COTL1: variants seen among roughly 807,000 people sequenced by gnomAD.
The protein encoded by COTL1 is coactosin like F-actin binding protein 1.
In COTL1, 15 loss-of-function variants were observed where a neutral mutation model predicts 16.5. The observed-to-expected ratio is 0.91, with a 90% CI of 0.61 to 1.40. COTL1 has a LOEUF of 1.40. Ranked by LOEUF, COTL1 falls within the 40% of genes most tolerant of loss-of-function variation. The probability of loss-of-function intolerance (pLI) is 0.00; values close to 1 mark genes in which losing one functional copy is unlikely to be tolerated. For synonymous variants in COTL1, 112 were observed against 85.3 expected, an observed-to-expected ratio of 1.31 and a Z score of -1.73; for missense variants, 220 against 201.5, an observed-to-expected ratio of 1.09 and a Z score of -0.56.
At chr16:84,602,777 T>C (rs149237972) in intron 2 of COTL1, among the ~76,000 whole-genome samples, 9 of 150,068 alleles carry the variant, frequency 6.0e-5, no homozygotes, top group Admixed American at 1.3e-4. Flanking sequence ...ATTGCTTGAG[T>C]CCAGGAGGCA....
chr16:84,595,879 G>GTA (rs140825052), intron 2 of COTL1: 8,992 of 152,026 alleles, frequency 0.059, 414 homozygotes, highest in African/African-American at 0.13. Flanking sequence ...ATGTATTTGT[G>GTA]TATGTGTGTT....
At chr16:84,615,620 C>T (rs57162993) in intron 2 of COTL1, among the ~76,000 whole-genome samples, 14,093 of 152,226 alleles carry the variant, frequency 0.093, 703 homozygotes, top group Middle Eastern at 0.19. Flanking sequence ...AGCAGAAATA[C>T]TGCTGACTCT....
chr16:84,577,578 T>C (rs1018877387), intron 3 of COTL1, among the ~76,000 whole-genome samples: 1 of 152,182 alleles, frequency 6.6e-6, no homozygotes, highest in African/African-American at 2.4e-5. Flanking sequence ...TGAGTCATTA[T>C]AGATAAAGGG....
At chr16:84,581,976 T>C in intron 3 of COTL1, among the ~76,000 whole-genome samples, 1 of 80,310 alleles carries the variant, frequency 1.2e-5, no homozygotes, top group African/African-American at 4.4e-5. Context: ...GATACATTTC[T>C]TCTTTTTTTT....
At chr16:84,597,162 A>G (rs565161860) in intron 2 of COTL1, among the ~76,000 whole-genome samples, 1 of 152,330 alleles carries the variant, frequency 6.6e-6, no homozygotes, top group African/African-American at 2.4e-5. Context: ...TCCGAGGCAC[A>G]CAGTCACGGA....
intron 2 of COTL1, among the ~76,000 whole-genome samples, chr16:84,605,220 G>A (rs1021739779): frequency 2.0e-5 from 3 of 152,224 alleles, no homozygotes; most frequent in Non-Finnish European, 4.4e-5. Context: ...GTTTCACAAA[G>A]ATTTTACATT....
intron 3 of COTL1, among the ~76,000 whole-genome samples, chr16:84,583,467 C>T (rs534047420): frequency 6.2e-4 from 94 of 152,146 alleles, no homozygotes; most frequent in African/African-American, 1.9e-3. Flanking sequence ...TATTTATTTA[C>T]TTATTTTTGA....
At position 84,590,309 on chromosome 16, in the gene COTL1, C is replaced by A. The variant is rs972576436; in HGVS notation, c.161-47G>T. ...GAACATGGTGCTGCGTTAAAACACC[C>A]CCATGTCATGTCCCTGGGGAGAGGC... On this transcript the variant is annotated intron_variant, in intron 2 of 3. Transcript: ENST00000262428. The surrounding 1 kb of genome is among the most constrained non-coding windows in gnomAD (Gnocchi z 5.5). 26 of 1,594,900 alleles carry A rather than the reference C, an allele frequency of 1.6e-5. No homozygotes were observed. The highest frequency in any genetic ancestry group is 2.1e-5 in the Non-Finnish European group (25 of 1,166,786).
intron 2 of COTL1, among the ~76,000 whole-genome samples, chr16:84,591,184 A>ATTT (rs561534827): frequency 2.9e-5 from 4 of 139,552 alleles, no homozygotes; most frequent in African/African-American, 5.3e-5. Flanking sequence ...ATATTCTGGA[A>ATTT]TTTTTTTTTT....
intron 2 of COTL1, chr16:84,616,281 A>C (rs2150699387): frequency 6.6e-6 from 1 of 152,250 alleles, no homozygotes; most frequent in Non-Finnish European, 1.5e-5. Flanking sequence ...TGGGCAGATC[A>C]CCTAAGGTCA....
chr16:84,601,046 G>A (rs1905097403), intron 2 of COTL1, among the ~76,000 whole-genome samples: 1 of 152,152 alleles, frequency 6.6e-6, no homozygotes, highest in Admixed American at 6.5e-5. Context: ...TGGAGGCTCT[G>A]AGGACCTTAT....
rs577667067 is a variant in COTL1 at position 84,586,556 on chromosome 16, T to A, written c.318+3549A>T. On this transcript the variant is annotated intron_variant, in intron 3 of 3. Coordinates refer to ENST00000262428, the MANE Select transcript of COTL1 (RefSeq NM_021149.5). ...CTGTTTAATGTAGCTGAATTGTACT[T>A]TAAAATGGCTACAATGGTAAACTTT... 3.3e-5 allele frequency among the ~76,000 whole-genome samples: 5 copies of A among 152,328 alleles called. 1 individual carries two copies. The South Asian group carries it at 1.0e-3, about 32-fold the overall frequency.
intron 2 of COTL1, among the ~76,000 whole-genome samples, chr16:84,609,794 G>A (rs1905283483): frequency 6.6e-6 from 1 of 152,132 alleles, no homozygotes; most frequent in African/African-American, 2.4e-5. Context: ...CTCTCAGTCT[G>A]TCTCCTGCTG....
intron 2 of COTL1, among the ~76,000 whole-genome samples, chr16:84,598,206 G>C (rs1488199565): frequency 6.6e-6 from 1 of 152,134 alleles, no homozygotes; most frequent in East Asian, 1.9e-4. Context: ...TTCATGAAAA[G>C]ACACAGCTGT....
chr16:84,604,909 G>A (rs1905182039), intron 2 of COTL1, among the ~76,000 whole-genome samples: 1 of 152,254 alleles, frequency 6.6e-6, no homozygotes, highest in African/African-American at 2.4e-5. Flanking sequence ...CAGAAACGGG[G>A]AGAAAAGTGC....
rs911875608 is a variant in COTL1 at position 84,566,691 on chromosome 16, A to G, written c.*154T>C. On this transcript the variant is annotated 3_prime_UTR_variant, in exon 4 of 4. Transcript: ENST00000262428. Reference sequence around the variant, plus strand: ...CGGCAGGGTTCTAAGGGAAGCGGGAAGGTGGGGGCTGTGGACACAGGGTGG... The same window carrying G: ...CGGCAGGGTTCTAAGGGAAGCGGGAGGGTGGGGGCTGTGGACACAGGGTGG... 3 of 588,576 alleles carry G rather than the reference A, an allele frequency of 5.1e-6. No individual in the cohort carries two copies. Among genetic ancestry groups the G allele is most frequent in the Non-Finnish European group, 9.1e-6 (3 of 328,744 alleles). The allele number at this position is 588,576 out of a possible 1,614,324, so 36.5% of individuals were successfully genotyped here. A position where few individuals can be genotyped will look rare whatever the true frequency, so the allele number is the denominator to read the frequency against.
chr16:84,616,151 G>A (rs868837221), intron 2 of COTL1: 2 of 152,358 alleles, frequency 1.3e-5, no homozygotes, highest in Middle Eastern at 6.8e-3. Flanking sequence ...GACCCCCAGA[G>A]ATTAAGGAAC....
At chr16:84,592,897 C>T (rs755259922) in intron 2 of COTL1, among the ~76,000 whole-genome samples, 7 of 152,232 alleles carry the variant, frequency 4.6e-5, no homozygotes, top group Non-Finnish European at 8.8e-5. Flanking sequence ...ATCCTAGCTG[C>T]AGTCCAGGGT....
At chr16:84,581,549 C>A (rs984572285) in intron 3 of COTL1, among the ~76,000 whole-genome samples, 1 of 152,170 alleles carries the variant, frequency 6.6e-6, no homozygotes, top group African/African-American at 2.4e-5. Flanking sequence ...GTCACCGAGG[C>A]TGCAGTGCAG....
Sources: gnomAD v4.1 joint callset for allele counts (sites outside exome capture counted in the v4.1 genomes callset) on GRCh38, gnomAD v4.1.1 for gene constraint, Gnocchi (gnomAD v3.1) non-coding constraint, MANE v1.5 for transcripts, NCBI Gene and HGNC (gene_info 2026-07-23, HGNC 2026-07-21) for gene names.